The following DTNA variants were observed in gnomAD, a reference collection of about 807,000 sequenced individuals.
DTNA encodes the protein dystrophin-related protein 3.
In DTNA, 43 loss-of-function variants were observed where a neutral mutation model predicts 100.7. That is an observed-to-expected ratio of 0.43 (90% CI 0.33 to 0.55). The LOEUF (loss-of-function observed/expected upper bound fraction) is 0.55, where lower values mean the gene tolerates loss of function less well. Ranked by LOEUF, DTNA falls within the 20% of genes least tolerant of loss-of-function variation. The pLI is 0.04. For synonymous variants in DTNA, 349 were observed against 347.9 expected (o/e 1.00, Z -0.04); for missense variants, 798 against 953.9 (o/e 0.84, Z 2.15).
At chr18:34,583,883 A>G (rs899629987) in intron 1 of DTNA, among the ~76,000 whole-genome samples, 1 of 152,122 alleles carries the variant, frequency 6.6e-6, no homozygotes, top group African/African-American at 2.4e-5. Context: ...TGTAAGAGAG[A>G]TGGCGGGGTA....
rs1271702578 is a variant in DTNA at position 34,644,674 on chromosome 18, AT to A, written c.-1-111296del. ...AAAGAACAGCACTGAGGCTTAAAAA[AT>A]TTTTTGAGCAAAAGAAGAACATATT... On this transcript the variant is annotated intron_variant, in intron 1 of 19. Transcript: ENST00000283365. 7.2e-5 allele frequency among the ~76,000 whole-genome samples: 11 copies of A among 152,226 alleles called. No individual in the cohort carries two copies. In the East Asian group the frequency reaches 1.9e-3, roughly 27 times the overall value.
chr18:34,818,613 G>A (rs773347954), intron 8 of DTNA: 3 of 1,242,018 alleles, frequency 2.4e-6, no homozygotes, highest in Middle Eastern at 3.3e-4. Flanking sequence ...CAACTGAATA[G>A]CAAGGACCTT....
intron 1 of DTNA, among the ~76,000 whole-genome samples, chr18:34,562,298 T>C (rs1001923368): frequency 1.3e-5 from 2 of 152,232 alleles, no homozygotes; most frequent in African/African-American, 4.8e-5. Context: ...TTACTCTCCA[T>C]TGAAGTTGCT....
intron 17 of DTNA, among the ~76,000 whole-genome samples, chr18:34,874,635 TTTC>T (rs146912046): frequency 1.3e-5 from 2 of 152,012 alleles, no homozygotes; most frequent in African/African-American, 2.4e-5. Context: ...GAAAACAAGG[TTTC>T]TTCTTCTTCT....
At chr18:34,529,505 A>G (rs1164606695) in intron 1 of DTNA, among the ~76,000 whole-genome samples, 1 of 152,156 alleles carries the variant, frequency 6.6e-6, no homozygotes, top group Non-Finnish European at 1.5e-5. Context: ...CACCCAGTGC[A>G]AAGGGGAACA....
intron 4 of DTNA, among the ~76,000 whole-genome samples, chr18:34,800,989 C>T (rs1294632967): frequency 6.6e-6 from 1 of 151,592 alleles, no homozygotes; most frequent in Non-Finnish European, 1.5e-5. Context: ...CAGTTTCTCA[C>T]TTCTTTATTA....
intron 1 of DTNA, among the ~76,000 whole-genome samples, chr18:34,501,956 A>G (rs1267603372): frequency 6.6e-6 from 1 of 152,128 alleles, no homozygotes; most frequent in Non-Finnish European, 1.5e-5. Flanking sequence ...ATTTTAATTT[A>G]AACTCTTTTT....
intron 10 of DTNA, chr18:34,829,192 T>G: frequency 6.3e-7 from 1 of 1,588,826 alleles, no homozygotes; most frequent in South Asian, 1.1e-5. Flanking sequence ...TTTTCCCATT[T>G]TCAGTCATTT....
At chr18:34,556,526 G>C (rs144786972) in intron 1 of DTNA, among the ~76,000 whole-genome samples, 1 of 151,882 alleles carries the variant, frequency 6.6e-6, no homozygotes, top group East Asian at 1.9e-4. Flanking sequence ...TCCTTTCCAT[G>C]TTTAGTGCTT....
chr18:34,852,974 G>C lies in DTNA; in HGVS notation c.1532+1046G>C, dbSNP rs919790709. ...CGTTTATTGTCTGTCTTCCTGGACTGAAACGGAAGTTCTTTGAGAACAGAG... is the reference window on the plus strand; with the variant it reads ...CGTTTATTGTCTGTCTTCCTGGACTCAAACGGAAGTTCTTTGAGAACAGAG... On this transcript the variant is annotated intron_variant, in intron 15 of 22. Coordinates refer to ENST00000444659, the MANE Select transcript of DTNA (RefSeq NM_001386795.1). 7.9e-5 allele frequency among the ~76,000 whole-genome samples: 12 copies of C among 152,302 alleles called. No homozygotes were observed. The East Asian group carries it at 2.3e-3, about 29-fold the overall frequency.
intron 1 of DTNA, among the ~76,000 whole-genome samples, chr18:34,600,054 T>G (rs1223395351): frequency 6.6e-6 from 1 of 152,184 alleles, no homozygotes. Flanking sequence ...TAAAAAGTCA[T>G]TTTGCCTTTC....
At chr18:34,566,971 CG>C (rs1165293603) in intron 1 of DTNA, among the ~76,000 whole-genome samples, 1 of 152,142 alleles carries the variant, frequency 6.6e-6, no homozygotes, top group Non-Finnish European at 1.5e-5. Flanking sequence ...CTGAAATACC[CG>C]GATCGCTGTA....
At chr18:34,545,942 C>G (rs1568625442) in intron 1 of DTNA, among the ~76,000 whole-genome samples, 1 of 152,108 alleles carries the variant, frequency 6.6e-6, no homozygotes, top group Non-Finnish European at 1.5e-5. Context: ...GCTTACCTGG[C>G]TTTCTCAAAG....
upstream of DTNA, among the ~76,000 whole-genome samples, chr18:34,705,660 A>G (rs2082023175): frequency 6.6e-6 from 1 of 152,210 alleles, no homozygotes; most frequent in Non-Finnish European, 1.5e-5. Flanking sequence ...TTGTTCTTAG[A>G]CTTTCTAACT....
chr18:34,838,807 A>C lies in DTNA; in HGVS notation c.1316A>C (p.Tyr439Ser), dbSNP rs186573363. ...GATGAACATGTTCTCATCGGGTTGTATGTCAACATGCTCCGGAACAACCCC... is the reference window on the plus strand; with the variant it reads ...GATGAACATGTTCTCATCGGGTTGTCTGTCAACATGCTCCGGAACAACCCC... The part of the protein sequence containing the change: ...LADEHVLIGL[Y>S]VNMLRNNPSC... The change falls in exon 13 of 23, where the codon TAT (tyrosine) becomes TCT (serine). Residue 439 changes from tyrosine (Y) to serine (S), a missense_variant. Physicochemically the swap from Tyr to Ser is moderately radical, Grantham distance 144. This residue lies in a region of DTNA where 159 missense variants were observed against 201.2 expected (regional missense o/e 0.79). Coordinates refer to ENST00000444659, the MANE Select transcript of DTNA (RefSeq NM_001386795.1). 6.2e-7 allele frequency: 1 copy of C among 1,613,736 alleles called. No homozygotes were observed. Among genetic ancestry groups the C allele is most frequent in the Non-Finnish European group, 8.5e-7 (1 of 1,179,754 alleles).
chr18:34,575,167 A>G (rs2047995455), intron 1 of DTNA, among the ~76,000 whole-genome samples: 1 of 152,164 alleles, frequency 6.6e-6, no homozygotes, highest in African/African-American at 2.4e-5. Context: ...TTTTGATAAA[A>G]TTCCATCACT....
chr18:34,842,994 C>T (rs560822322), intron 13 of DTNA, among the ~76,000 whole-genome samples: 174 of 152,190 alleles, frequency 1.1e-3, no homozygotes, highest in African/African-American at 3.8e-3. Context: ...TCTCTGACAT[C>T]TAGCACAGTG....
At chr18:34,839,783 A>T (rs1423648208) in intron 13 of DTNA, among the ~76,000 whole-genome samples, 1 of 152,214 alleles carries the variant, frequency 6.6e-6, no homozygotes, top group Non-Finnish European at 1.5e-5. Flanking sequence ...AACCTTTAGC[A>T]TGGCAAGTCC....
intron 1 of DTNA, among the ~76,000 whole-genome samples, chr18:34,525,130 A>G (rs191435456): frequency 6.6e-6 from 1 of 152,248 alleles, no homozygotes; most frequent in East Asian, 1.9e-4. Flanking sequence ...GGGGACTGAG[A>G]TGAAGTTCTT....
Sources: allele counts gnomAD v4.1 joint callset (sites outside exome capture counted in the v4.1 genomes callset), GRCh38; gene constraint gnomAD v4.1.1; regional missense constraint gnomAD v4.1.1; transcripts MANE v1.5; gene names NCBI Gene and HGNC (gene_info 2026-07-23, HGNC 2026-07-21).